The following DNAH12 variants were observed in gnomAD, a reference collection of about 807,000 sequenced individuals.
DNAH12 encodes dynein axonemal heavy chain 12, also known as axonemal beta dynein heavy chain 12.
DNAH12 carries 285 observed loss-of-function variants against 371.5 expected under a neutral mutation model. The ratio of observed to expected loss-of-function variants is 0.77; its 90% confidence interval spans 0.70 to 0.85. DNAH12 has a LOEUF of 0.85. Ranked by LOEUF, DNAH12 falls within the 40% of genes least tolerant of loss-of-function variation. The probability of loss-of-function intolerance (pLI) is 0.00; values close to 1 mark genes in which losing one functional copy is unlikely to be tolerated. For missense variants in DNAH12, 3,611 were observed against 3,689.4 expected (o/e 0.98, Z 0.55); for synonymous variants, 1,200 against 1,213.0 (o/e 0.99, Z 0.22).
Position 57,482,158 on chromosome 3 carries a change from T to C in DNAH12, c.1650+1218A>G, listed in dbSNP as rs188636148. On this transcript the variant is annotated intron_variant, in intron 13 of 73. Transcript: ENST00000495027. ...CAACCTACAGAATGGCAGAAAATTTTTGCAATCTACCCATCTGACAAAGGG... is the reference window on the plus strand; with the variant it reads ...CAACCTACAGAATGGCAGAAAATTTCTGCAATCTACCCATCTGACAAAGGG... Among the ~76,000 whole-genome samples, 1,158 of 152,256 alleles carry C rather than the reference T, an allele frequency of 7.6e-3. 15 individuals carry two copies. The highest frequency in any genetic ancestry group is 0.026 in the African/African-American group (1,091 of 41,542).
intron 45 of DNAH12, among the ~76,000 whole-genome samples, chr3:57,390,424 A>AAAAAAAAAAAAAAATATATATATAT: frequency 3.0e-5 from 1 of 33,422 alleles, no homozygotes; most frequent in Non-Finnish European, 7.0e-5. Flanking sequence ...AAAAAAAAAA[A>AAAAAAAAAAAAAAATATATATATAT]ATATATATAT....
At chr3:57,353,257 AT>A (rs1420490178) in intron 59 of DNAH12, among the ~76,000 whole-genome samples, 68 of 152,246 alleles carry the variant, frequency 4.5e-4, no homozygotes, top group African/African-American at 1.5e-3. Context: ...TTATGGGAAT[AT>A]AAAATGATGT....
chr3:57,420,725 C>T (rs973749772), intron 36 of DNAH12, among the ~76,000 whole-genome samples: 3 of 151,768 alleles, frequency 2.0e-5, no homozygotes, highest in African/African-American at 7.3e-5. Context: ...CTGGCTAACA[C>T]GGTGAAACCC....
chr3:57,542,748 T>C lies in DNAH12; in HGVS notation c.123A>G (p.Leu41=), dbSNP rs746831897. The C allele has an allele frequency of 1.9e-6, 3 of 1,610,596 alleles. No individual in the cohort carries two copies. Among genetic ancestry groups the C allele is most frequent in the Admixed American group, 1.7e-5 (1 of 59,532 alleles). Residue 41 remains leucine, a synonymous_variant, in exon 2 of 74, where the codon CTA becomes CTG. Coordinates refer to ENST00000495027, the MANE Select transcript of DNAH12 (RefSeq NM_001366028.2). ...GCTGCTCCTTGGATCTTCTGTATTT[T>C]AGCAGCTTACTTTGTGTTGGTGTAT... ...GVDTPTQSKL[L]KYRRSKEQQQ... is the part of the protein sequence containing the mutation.
At chr3:57,520,587 C>T (rs2068388791) in intron 4 of DNAH12, among the ~76,000 whole-genome samples, 1 of 151,482 alleles carries the variant, frequency 6.6e-6, no homozygotes, top group Non-Finnish European at 1.5e-5. Flanking sequence ...GGACTACAGG[C>T]GCCCGCCACC....
At chr3:57,339,666 T>G (rs1475625090) in intron 60 of DNAH12, among the ~76,000 whole-genome samples, 1 of 152,122 alleles carries the variant, frequency 6.6e-6, no homozygotes, top group African/African-American at 2.4e-5. Flanking sequence ...GTATCTTATC[T>G]GACCACAATG....
chr3:57,519,561 C>T, intron 4 of DNAH12: 1 of 668,740 alleles, frequency 1.5e-6, no homozygotes, highest in Non-Finnish European at 2.7e-6. Flanking sequence ...TCCATCGACT[C>T]CTATTTGAAG....
intron 4 of DNAH12, among the ~76,000 whole-genome samples, chr3:57,517,480 C>G (rs982680918): frequency 1.3e-5 from 2 of 151,194 alleles, no homozygotes; most frequent in African/African-American, 4.9e-5. Flanking sequence ...GGGTCAAGCA[C>G]TGAAATATTA....
chr3:57,508,125 T>G (rs1404430217), intron 7 of DNAH12, among the ~76,000 whole-genome samples: 1 of 148,790 alleles, frequency 6.7e-6, no homozygotes, highest in Non-Finnish European at 1.5e-5. Context: ...AGACAAAGCT[T>G]GCAGTGAGCC....
At chr3:57,449,611 G>A (rs553199748) in intron 25 of DNAH12, among the ~76,000 whole-genome samples, 4 of 152,346 alleles carry the variant, frequency 2.6e-5, no homozygotes, top group African/African-American at 9.6e-5. Flanking sequence ...TCATTGCCCG[G>A]GGCCGGCAGG....
chr3:57,359,551 C>A (rs1194011160), intron 58 of DNAH12, among the ~76,000 whole-genome samples: 4 of 118,692 alleles, frequency 3.4e-5, no homozygotes, highest in Non-Finnish European at 6.9e-5. Context: ...AAGAGCGAAA[C>A]TCCATCTCAA....
intron 36 of DNAH12, among the ~76,000 whole-genome samples, chr3:57,420,205 AT>A (rs1334644305): frequency 6.6e-6 from 1 of 152,014 alleles, no homozygotes; most frequent in Non-Finnish European, 1.5e-5. Flanking sequence ...CCCAACCATT[AT>A]CTTCTTCTGC....
At chr3:57,395,280 AG>A (rs1205954266) in intron 43 of DNAH12, among the ~76,000 whole-genome samples, 1 of 152,178 alleles carries the variant, frequency 6.6e-6, no homozygotes, top group Non-Finnish European at 1.5e-5. Context: ...ATCTACCATC[AG>A]GCTCTCTCTC....
At chr3:57,529,351 G>A (rs1435200927) in intron 2 of DNAH12, among the ~76,000 whole-genome samples, 1 of 152,236 alleles carries the variant, frequency 6.6e-6, no homozygotes, top group Non-Finnish European at 1.5e-5. Context: ...GAATTCAGCA[G>A]TGAAGCCATA....
At chr3:57,443,956 C>A (rs1285761906) in intron 29 of DNAH12, among the ~76,000 whole-genome samples, 1 of 152,148 alleles carries the variant, frequency 6.6e-6, no homozygotes, top group Non-Finnish European at 1.5e-5. Context: ...GTGATCCCAG[C>A]ACTTTGGGAG....
intron 55 of DNAH12, among the ~76,000 whole-genome samples, chr3:57,373,268 G>A (rs2153337991): frequency 6.6e-6 from 1 of 151,898 alleles, no homozygotes; most frequent in East Asian, 1.9e-4. Context: ...TTTTTCACAG[G>A]AATTAGAATT....
At chr3:57,504,253 T>C in intron 8 of DNAH12, 49 bp from the exon 9 acceptor site, 6 of 1,510,954 alleles carry the variant, frequency 4.0e-6, no homozygotes, top group Non-Finnish European at 4.5e-6. Context: ...ATTCAACCTT[T>C]AACTAAAATC....
chr3:57,319,503 T>C (rs1392892186), intron 65 of DNAH12, among the ~76,000 whole-genome samples: 1 of 152,192 alleles, frequency 6.6e-6, no homozygotes, highest in Non-Finnish European at 1.5e-5. Flanking sequence ...ATATAAGTTG[T>C]GGTATTTTCA....
intron 66 of DNAH12, among the ~76,000 whole-genome samples, chr3:57,313,406 A>G (rs2061620557): frequency 6.6e-6 from 1 of 152,182 alleles, no homozygotes; most frequent in African/African-American, 2.4e-5. Flanking sequence ...TAATCTCAGC[A>G]TTTTGGGAGG....
Sources: allele counts gnomAD v4.1 joint callset (sites outside exome capture counted in the v4.1 genomes callset), GRCh38; gene constraint gnomAD v4.1.1; transcripts MANE v1.5; gene names NCBI Gene and HGNC (gene_info 2026-07-23, HGNC 2026-07-21).